Variants in SETD4 observed in about 807,000 individuals in gnomAD.
The protein encoded by SETD4 is SET domain containing 4.
A neutral mutation model predicts 58.3 loss-of-function variants in SETD4; 46 were observed. That is an observed-to-expected ratio of 0.79 (90% CI 0.62 to 1.01). SETD4 has a LOEUF of 1.01. SETD4 is among the 50% of genes least tolerant of loss of function. SETD4 has a pLI of 0.00. For missense variants in SETD4, 490 were observed against 523.3 expected (o/e 0.94, Z 0.62); for synonymous variants, 190 against 202.6 (o/e 0.94, Z 0.53).
At chr21:36,053,772 G>A (rs1568934785) in intron 3 of SETD4, 152 bp from the exon 4 acceptor site, 1 of 752,374 alleles carries the variant, frequency 1.3e-6, no homozygotes, top group South Asian at 1.7e-5. Flanking sequence ...GAAACAGGGA[G>A]TCAGAAAGCT....
chr21:36,053,478 G>C, intron 4 of SETD4, 105 bp downstream of exon 4: 2 of 1,108,872 alleles, frequency 1.8e-6, no homozygotes, highest in South Asian at 2.5e-5. Context: ...AGGTAAGTAA[G>C]AAATGACTGT....
intron 7 of SETD4, chr21:36,042,505 G>A (rs903466352): frequency 2.6e-5 from 4 of 152,100 alleles, no homozygotes; most frequent in East Asian, 3.8e-4. Flanking sequence ...AGCCAATCTC[G>A]AAGCTGGTTT....
chr21:36,045,859 A>C lies in SETD4; in HGVS notation c.449T>G (p.Leu150Arg). The C allele has an allele frequency of 6.2e-7, 1 of 1,614,214 alleles. No homozygotes were observed. Among genetic ancestry groups the C allele is most frequent in the East Asian group, 2.2e-5 (1 of 44,872 alleles). ...PVCLEPEVVN[L>R]LPKSLKAKAE... ...CTTTGCTTTTAAAGATTTGGGAAGAAGGTTCACCACTTCCGGCTCCAAACA... is the reference window on the plus strand; with the variant it reads ...CTTTGCTTTTAAAGATTTGGGAAGACGGTTCACCACTTCCGGCTCCAAACA... Residue 150 changes from leucine (L) to arginine (R), a missense_variant, in exon 6 of 12, where the codon CTT becomes CGT. By Grantham distance (102) the Leu-to-Arg change is moderately radical. Transcript: ENST00000332131.
chr21:36,058,846 T>G lies in SETD4; in HGVS notation c.43A>C (p.Lys15Gln), dbSNP rs2065129025. The change falls in exon 2 of 12, where the codon AAA (lysine) becomes CAA (glutamine). Residue 15 changes from lysine to glutamine, a missense_variant. Transcript: ENST00000332131. ...KGRTSRIRRRKLCGSSESRGV... is the reference protein window; with the variant it reads ...KGRTSRIRRRQLCGSSESRGV... ...CTTGATTCAGAACTTCCGCAGAGTTTTCGTCTTCTGATCCGGCTTGTTCTC... is the reference window on the plus strand; with the variant it reads ...CTTGATTCAGAACTTCCGCAGAGTTGTCGTCTTCTGATCCGGCTTGTTCTC... 2.5e-6 allele frequency: 4 copies of G among 1,602,540 alleles called. No individual in the cohort carries two copies. The East Asian group carries it at 6.7e-5, about 27-fold the overall frequency.
chr21:36,046,396 G>A (rs748514410), intron 5 of SETD4, among the ~76,000 whole-genome samples: 4 of 152,232 alleles, frequency 2.6e-5, no homozygotes, highest in Non-Finnish European at 5.9e-5. Flanking sequence ...GGAAAAAATG[G>A]TGGAAAGAAC....
intron 5 of SETD4, 113 bp downstream of exon 5, chr21:36,048,195 C>A: frequency 1.1e-6 from 1 of 875,548 alleles, no homozygotes; most frequent in South Asian, 1.5e-5. Flanking sequence ...GGTTATTTAT[C>A]AGCTCTACAA....
At chr21:36,037,104 T>A (rs537958654) in intron 10 of SETD4, among the ~76,000 whole-genome samples, 15 of 152,064 alleles carry the variant, frequency 9.9e-5, no homozygotes, top group Admixed American at 5.2e-4. Context: ...AAGAGATCTA[T>A]GGTACATCGT....
Position 36,035,960 on chromosome 21 carries a change from T to G in SETD4, c.*33A>C. 9.7e-7 allele frequency: 1 copy of G among 1,033,882 alleles called. No homozygotes were observed. The highest frequency in any genetic ancestry group is 1.4e-6 in the Non-Finnish European group (1 of 702,334). The allele number at this position is 1,033,882 out of a possible 1,614,324, so 64.0% of individuals were successfully genotyped here. A position where few individuals can be genotyped will look rare whatever the true frequency, so the allele number is the denominator to read the frequency against. On this transcript the variant is annotated splice_region_variant and 3_prime_UTR_variant, in exon 12 of 12. Transcript: ENST00000332131. Reference sequence around the variant, plus strand: ...ATGCTCTTCAAAATTAACTTTTGTTTCTGTAGGAAAAGCAAAAGGAAAAGG... The same window carrying G: ...ATGCTCTTCAAAATTAACTTTTGTTGCTGTAGGAAAAGCAAAAGGAAAAGG...
chr21:36,043,300 T>A (rs1435257280), intron 7 of SETD4: 4 of 231,442 alleles, frequency 1.7e-5, no homozygotes, highest in Non-Finnish European at 2.9e-5. Context: ...GGTTAATAGA[T>A]CACAAAAGAA....
chr21:36,038,940 G>A (rs865795965), intron 9 of SETD4, among the ~76,000 whole-genome samples: 8 of 152,104 alleles, frequency 5.3e-5, no homozygotes, highest in Non-Finnish European at 8.8e-5. Flanking sequence ...AAGAACTACC[G>A]GGAGAAAGAC....
chr21:36,049,911 G>C (rs1414282057), intron 4 of SETD4, among the ~76,000 whole-genome samples: 1 of 152,160 alleles, frequency 6.6e-6, no homozygotes, highest in Non-Finnish European at 1.5e-5. Flanking sequence ...TTCTGCTACA[G>C]AATAAAGTCA....
rs749415584 is a variant in SETD4 at position 36,045,900 on chromosome 21, C to T, written c.408G>A (p.Ala136=). 5 of 1,614,078 alleles carry T rather than the reference C, an allele frequency of 3.1e-6. No individual in the cohort carries two copies. Among genetic ancestry groups the T allele is most frequent in the Admixed American group, 3.3e-5 (2 of 60,012 alleles). Residue 136 remains alanine (A), a synonymous_variant, in exon 6 of 12, where the codon GCG becomes GCA. Coordinates refer to ENST00000332131, the MANE Select transcript of SETD4 (RefSeq NM_017438.5). ...GCTCCAAACAAACAGGGCAGGTATA[C>T]GCCTTGGGTAAAATCTCCAGGTAAG... ...WKPYLEILPK[A]YTCPVCLEPE... is the part of the protein sequence containing the mutation.
At chr21:36,058,446 G>A (rs1486027936) in intron 2 of SETD4, among the ~76,000 whole-genome samples, 2 of 148,692 alleles carry the variant, frequency 1.3e-5, no homozygotes, top group Non-Finnish European at 1.5e-5. Context: ...GAGCCTGGGA[G>A]ATCAAGCCAT....
chr21:36,056,033 A>AG (rs1425065447), intron 3 of SETD4, among the ~76,000 whole-genome samples: 2 of 152,204 alleles, frequency 1.3e-5, no homozygotes, highest in African/African-American at 4.8e-5. Flanking sequence ...AAAAACAGAA[A>AG]GTCAAGCATT....
At chr21:36,050,123 A>C (rs933684581) in intron 4 of SETD4, 18 of 742,692 alleles carry the variant, frequency 2.4e-5, no homozygotes, top group African/African-American at 8.6e-5. Flanking sequence ...ACTCTTGCAG[A>C]CCTCTATATC....
chr21:36,041,678 GT>G (rs1213251686), intron 8 of SETD4, 128 bp downstream of exon 8: 4 of 628,910 alleles, frequency 6.4e-6, no homozygotes, highest in Non-Finnish European at 1.1e-5. Flanking sequence ...CACATAGTAA[GT>G]GCTCAATACC....
rs553596854 is a variant in SETD4, at chr21:36,047,121, G to A, written c.297-1110C>T. Among the ~76,000 whole-genome samples the A allele has an allele frequency of 1.4e-3, 212 of 152,270 alleles. 1 individual carries two copies. The highest frequency in any genetic ancestry group is 5.0e-3 in the African/African-American group (209 of 41,550). ...AAATACAAAATTAGCAGGGCATGGT[G>A]GCGCACACCTGTAATCCCAGCTATT... On this transcript the variant is annotated intron_variant, in intron 5 of 11. Transcript: ENST00000332131.
In SETD4 at chr21:36,038,262, T is replaced by C. The variant is rs1301833625; in HGVS notation, c.1076A>G (p.Lys359Arg). The change falls in exon 10 of 12, where the codon AAA (lysine) becomes AGA (arginine). Residue 359 changes from lysine to arginine, a missense_variant. Physicochemically the swap from Lys to Arg is conservative, Grantham distance 26 (BLOSUM62 2). Coordinates refer to ENST00000332131, the MANE Select transcript of SETD4 (RefSeq NM_017438.5). ...AATTACCTCCCCAAGAAGTACTTTT[T>C]TCCAGCATGTACTAGAACCAAAATG... ...CLEAEKFTCW[K>R]KVLLGEVISD... The C allele has an allele frequency of 1.7e-5, 28 of 1,612,622 alleles. No homozygotes were observed. In the Admixed American group the frequency reaches 4.4e-4, roughly 25 times the overall value.
At chr21:36,040,376 T>C (rs1431729681) in intron 9 of SETD4, among the ~76,000 whole-genome samples, 199 bp downstream of exon 9, 1 of 152,202 alleles carries the variant, frequency 6.6e-6, no homozygotes, top group Non-Finnish European at 1.5e-5. Flanking sequence ...AAAACCAGAA[T>C]TCCAAAACGG....
Sources: allele counts gnomAD v4.1 joint callset (sites outside exome capture counted in the v4.1 genomes callset), GRCh38; gene constraint gnomAD v4.1.1; transcripts MANE v1.5; gene names NCBI Gene and HGNC (gene_info 2026-07-23, HGNC 2026-07-21).